Variants in SPATA7 observed in about 807,000 individuals in gnomAD.
SPATA7 encodes spermatogenesis-associated protein 7.
SPATA7 carries 43 observed loss-of-function variants against 51.8 expected under a neutral mutation model. The ratio of observed to expected loss-of-function variants is 0.83; its 90% CI spans 0.65 to 1.07. The LOEUF (loss-of-function observed/expected upper bound fraction) is 1.07, where lower values mean the gene tolerates loss of function less well. Among genes scored for constraint, SPATA7 ranks in the 50% least tolerant of loss-of-function variants. SPATA7 has a pLI of 0.00. For synonymous variants in SPATA7, 230 were observed against 252.8 expected, an observed-to-expected ratio of 0.91 and a Z score of 0.86; for missense variants, 683 against 701.3, an observed-to-expected ratio of 0.97 and a Z score of 0.30.
At position 88,385,994 on chromosome 14, in the gene SPATA7, G is replaced by A. The variant is rs1459477423; in HGVS notation, c.19+157G>A. The A allele has an allele frequency of 2.0e-6, 3 of 1,497,250 alleles. No individual in the cohort carries two copies. The South Asian group carries it at 3.7e-5, about 19-fold the overall frequency. 92.7% of individuals were successfully genotyped at this position (1,497,250 alleles called of 1,614,324 possible). A position where few individuals can be genotyped will look rare whatever the true frequency, so the allele number is the denominator to read the frequency against. On this transcript the variant is annotated intron_variant, in intron 1 of 11. Coordinates refer to ENST00000393545, the MANE Select transcript of SPATA7 (RefSeq NM_018418.5). ...GTTGCCTGGAGCTGCCCAGGCCTGC[G>A]CAAAGGAAGAGGGAGAGCCTGCTTG...
At chr14:88,461,326 G>C (rs757662056) in intron 4 of SPATA7, among the ~76,000 whole-genome samples, 2 of 152,186 alleles carry the variant, frequency 1.3e-5, no homozygotes, top group Non-Finnish European at 2.9e-5. Context: ...ACAGAGGCAG[G>C]CAGGCCTCCT....
intron 4 of SPATA7, among the ~76,000 whole-genome samples, chr14:88,460,596 A>G (rs1290081061): frequency 1.3e-5 from 2 of 152,094 alleles, no homozygotes; most frequent in Non-Finnish European, 2.9e-5. Context: ...TGTTTATTCT[A>G]GTTCGCCATT....
At chr14:88,396,234 T>TA (rs754983533) in intron 4 of SPATA7, 31 bp downstream of exon 4, 177 of 1,522,788 alleles carry the variant, frequency 1.2e-4, no homozygotes, top group Middle Eastern at 4.6e-4. Context: ...ATTACCTTTT[T>TA]AAAAAAAAAT....
At chr14:88,407,446 A>G (rs555546394) in intron 4 of SPATA7, among the ~76,000 whole-genome samples, 4 of 152,104 alleles carry the variant, frequency 2.6e-5, no homozygotes, top group Non-Finnish European at 5.9e-5. Context: ...TCCTTCGCCC[A>G]CTTTTTGATA....
chr14:88,409,901 T>C (rs1161576821), intron 4 of SPATA7, among the ~76,000 whole-genome samples: 1 of 152,242 alleles, frequency 6.6e-6, no homozygotes, highest in Non-Finnish European at 1.5e-5. Flanking sequence ...TGTGTGGCTT[T>C]GAGTGAGTTT....
chr14:88,419,086 A>G (rs533896176), intron 5 of SPATA7, among the ~76,000 whole-genome samples: 6 of 152,228 alleles, frequency 3.9e-5, no homozygotes, highest in East Asian at 3.9e-4. Context: ...CAGATATTCA[A>G]ATCTTTTATA....
intron 10 of SPATA7, among the ~76,000 whole-genome samples, chr14:88,435,888 T>G (rs1007284700): frequency 1.3e-5 from 2 of 152,172 alleles, no homozygotes; most frequent in African/African-American, 4.8e-5. Flanking sequence ...ACGACAAACA[T>G]AAGAGTGCAG....
chr14:88,398,588 C>G (rs1321128417), intron 4 of SPATA7, among the ~76,000 whole-genome samples: 3 of 150,890 alleles, frequency 2.0e-5, no homozygotes, highest in Non-Finnish European at 4.4e-5. Flanking sequence ...ATGTAACTAA[C>G]CTGCACAATG....
chr14:88,446,666 A>C (rs1370596947), intron 3 of SPATA7, among the ~76,000 whole-genome samples: 1 of 151,884 alleles, frequency 6.6e-6, no homozygotes, highest in Non-Finnish European at 1.5e-5. Context: ...TGCGTCCCAG[A>C]GATTCTGGTA....
rs537530267 is a variant in SPATA7 at position 88,460,726 on chromosome 14, A to G, written c.255-9121A>G. Among the ~76,000 whole-genome samples, 173 of 152,240 alleles carry G rather than the reference A, an allele frequency of 1.1e-3. 1 individual carries two copies. Among genetic ancestry groups the G allele is most frequent in the Non-Finnish European group, 2.0e-3 (137 of 68,012 alleles). ...TCTCAACTTGTCAAAGTCATTCTCC[A>G]TCCAGCTTTGTTCCGTTGCTGGTAA... On this transcript the variant is annotated intron_variant, in intron 4 of 4. Transcript: ENST00000556406.
intron 3 of SPATA7, among the ~76,000 whole-genome samples, chr14:88,448,773 G>A (rs2077231639): frequency 6.6e-6 from 1 of 152,088 alleles, no homozygotes; most frequent in African/African-American, 2.4e-5. Flanking sequence ...CCCTGCTTGG[G>A]GGTGCCTCCC....
chr14:88,459,440 CTCT>C (rs1346308755), downstream of SPATA7, among the ~76,000 whole-genome samples: 3 of 152,156 alleles, frequency 2.0e-5, no homozygotes, highest in African/African-American at 7.2e-5. Context: ...GGATAATTAG[CTCT>C]TCTTGTTGAA....
At chr14:88,453,635 A>C (rs1269356840) in intron 3 of SPATA7, among the ~76,000 whole-genome samples, 1 of 152,236 alleles carries the variant, frequency 6.6e-6, no homozygotes, top group Non-Finnish European at 1.5e-5. Context: ...TGTTACTAAA[A>C]TTAGTTCTAC....
chr14:88,415,209 A>G (rs1275980483), intron 4 of SPATA7: 3 of 348,416 alleles, frequency 8.6e-6, no homozygotes, highest in Non-Finnish European at 1.8e-5. Flanking sequence ...TCATAGGTCT[A>G]GAAGTACTTG....
chr14:88,416,004 G>A (rs13379399), intron 4 of SPATA7: 7,612 of 152,306 alleles, frequency 0.05, 603 homozygotes, highest in African/African-American at 0.17. Flanking sequence ...TTCCCCTCTC[G>A]TTCTTGCCAT....
chr14:88,468,028 G>A, intron 4 of SPATA7: 1 of 1,368,150 alleles, frequency 7.3e-7, no homozygotes, highest in Non-Finnish European at 1.0e-6. Flanking sequence ...ACGTCCCAGT[G>A]CCACGCTGCG....
chr14:88,400,728 A>G (rs1384786963), intron 4 of SPATA7, among the ~76,000 whole-genome samples: 1 of 152,092 alleles, frequency 6.6e-6, no homozygotes, highest in Non-Finnish European at 1.5e-5. Context: ...CCAGCTACTC[A>G]GGAGGCTGAG....
intron 9 of SPATA7, chr14:88,432,922 C>T (rs983758946): frequency 2.1e-6 from 1 of 481,820 alleles, no homozygotes; most frequent in African/African-American, 2.0e-5. Flanking sequence ...TGAAATTTTA[C>T]TCTATTAGGT....
chr14:88,405,443 T>C (rs951944793), intron 4 of SPATA7, among the ~76,000 whole-genome samples: 2 of 152,180 alleles, frequency 1.3e-5, no homozygotes, highest in African/African-American at 4.8e-5. Flanking sequence ...TAGAAGACAG[T>C]AAATAATCCA....
Sources: gnomAD v4.1 joint callset for allele counts (sites outside exome capture counted in the v4.1 genomes callset) on GRCh38, gnomAD v4.1.1 for gene constraint, MANE v1.5 for transcripts, NCBI Gene and HGNC (gene_info 2026-07-23, HGNC 2026-07-21) for gene names.